Variants in SNTB2 observed in about 807,000 individuals in gnomAD.
The protein encoded by SNTB2 is syntrophin beta 2.
SNTB2 carries 34 observed loss-of-function variants against 46.2 expected under a neutral mutation model. That is an observed-to-expected ratio of 0.74 (90% CI 0.56 to 0.98). SNTB2 has a LOEUF of 0.98. SNTB2 is among the 50% of genes least tolerant of loss of function. SNTB2 has a pLI of 0.00. For synonymous variants in SNTB2, 290 were observed against 312.6 expected (o/e 0.93, Z 0.76); for missense variants, 603 against 731.4 (o/e 0.82, Z 2.02).
chr16:69,233,948 G>A (rs771921000), intron 1 of SNTB2, among the ~76,000 whole-genome samples: 3 of 151,962 alleles, frequency 2.0e-5, no homozygotes, highest in Admixed American at 6.6e-5. Context: ...CTGCAGTCCC[G>A]CCTGGACAAC....
chr16:69,239,996 A>G (rs923174642), intron 1 of SNTB2, among the ~76,000 whole-genome samples: 1 of 152,188 alleles, frequency 6.6e-6, no homozygotes, highest in African/African-American at 2.4e-5. Context: ...GTTCTATTCT[A>G]TAGCTGTATC....
chr16:69,219,358 G>T (rs956864833), intron 1 of SNTB2, among the ~76,000 whole-genome samples: 1 of 152,208 alleles, frequency 6.6e-6, no homozygotes, highest in Admixed American at 6.5e-5. Flanking sequence ...CACTGGAGAT[G>T]TCAACTCAAA....
At chr16:69,249,696 T>A (rs1241824067) in intron 2 of SNTB2, among the ~76,000 whole-genome samples, 1 of 152,182 alleles carries the variant, frequency 6.6e-6, no homozygotes, top group African/African-American at 2.4e-5. Context: ...AAATGATCAG[T>A]CTACTCGACC....
At chr16:69,209,990 C>T (rs1022128323) in intron 1 of SNTB2, among the ~76,000 whole-genome samples, 30 of 148,328 alleles carry the variant, frequency 2.0e-4, no homozygotes, top group African/African-American at 7.4e-4. Context: ...GTAAGTTTGA[C>T]ATTCTGACAT....
intron 2 of SNTB2, among the ~76,000 whole-genome samples, chr16:69,254,759 C>T (rs756714942): frequency 6.6e-6 from 1 of 152,176 alleles, no homozygotes; most frequent in Non-Finnish European, 1.5e-5. Context: ...AGGAGGGTCA[C>T]TTGAGCCCAG....
intron 1 of SNTB2, among the ~76,000 whole-genome samples, chr16:69,243,432 A>C (rs1036013750): frequency 6.6e-6 from 1 of 152,206 alleles, no homozygotes; most frequent in African/African-American, 2.4e-5. Context: ...GGCAATACAT[A>C]AATTGTATGT....
At chr16:69,253,738 C>A (rs540320246) in intron 2 of SNTB2, among the ~76,000 whole-genome samples, 1 of 152,084 alleles carries the variant, frequency 6.6e-6, no homozygotes, top group Admixed American at 6.6e-5. Flanking sequence ...CCAGTGGTCC[C>A]GGTATCTACT....
intron 4 of SNTB2, among the ~76,000 whole-genome samples, chr16:69,275,673 G>A (rs1224460210): frequency 6.6e-6 from 1 of 152,144 alleles, no homozygotes; most frequent in African/African-American, 2.4e-5. Context: ...GGGAAAGGGA[G>A]TGTTTGAGAT....
chr16:69,192,642 A>G (rs1480701749), intron 1 of SNTB2, among the ~76,000 whole-genome samples: 2 of 152,172 alleles, frequency 1.3e-5, no homozygotes, highest in African/African-American at 4.8e-5. Context: ...TGGTATGGTC[A>G]GTTATGTTTA....
intron 5 of SNTB2, among the ~76,000 whole-genome samples, chr16:69,290,068 G>A (rs1396324872): frequency 1.5e-4 from 23 of 152,222 alleles, no homozygotes; most frequent in Admixed American, 1.5e-3. Flanking sequence ...CCTACAAAAT[G>A]TGACGAGTAA....
At chr16:69,283,291 T>A (rs1314639705) in intron 4 of SNTB2, among the ~76,000 whole-genome samples, 1 of 152,204 alleles carries the variant, frequency 6.6e-6, no homozygotes, top group African/African-American at 2.4e-5. Context: ...GGGGGATTTT[T>A]AAAATGTAGA....
chr16:69,191,781 C>CA (rs1346297949), intron 1 of SNTB2, among the ~76,000 whole-genome samples: 12 of 151,912 alleles, frequency 7.9e-5, no homozygotes, highest in Admixed American at 7.2e-4. Context: ...GCTGGGACTA[C>CA]AGGCGCCCGC....
At chr16:69,279,930 A>G (rs562705854) in intron 4 of SNTB2, among the ~76,000 whole-genome samples, 1 of 152,044 alleles carries the variant, frequency 6.6e-6, no homozygotes, top group East Asian at 1.9e-4. Flanking sequence ...GCAGGGTCAT[A>G]GGACAATAGT....
chr16:69,235,893 G>A, intron 1 of SNTB2: 2 of 1,272,424 alleles, frequency 1.6e-6, no homozygotes, highest in African/African-American at 1.5e-5. Context: ...TGTGGATGCA[G>A]TCCCATTAGA....
chr16:69,199,921 C>CA (rs1555497590), intron 1 of SNTB2, among the ~76,000 whole-genome samples: 3 of 146,940 alleles, frequency 2.0e-5, no homozygotes, highest in Non-Finnish European at 4.5e-5. Flanking sequence ...AAGACAGAGA[C>CA]TTTTTTTTTT....
At position 69,187,265 on chromosome 16, in the gene SNTB2, G is replaced by A; in HGVS notation, c.99G>A (p.Arg33=). Residue 33 remains arginine (R), a synonymous_variant, in exon 1 of 7, where the codon AGG becomes AGA. Transcript: ENST00000336278. ...TKAGLVELLL[R]ERWVRVVAEL... ...CGGGGCTGGTGGAGCTGCTCCTGAGGGAGCGCTGGGTCCGAGTGGTGGCCG... is the reference window on the plus strand; with the variant it reads ...CGGGGCTGGTGGAGCTGCTCCTGAGAGAGCGCTGGGTCCGAGTGGTGGCCG... 1.3e-6 allele frequency: 2 copies of A among 1,488,588 alleles called. No individual in the cohort carries two copies. Among genetic ancestry groups the A allele is most frequent in the Non-Finnish European group, 8.9e-7 (1 of 1,124,558 alleles). The allele number at this position is 1,488,588 out of a possible 1,614,324, so 92.2% of individuals were successfully genotyped here.
chr16:69,218,715 C>G (rs959955641), intron 1 of SNTB2, among the ~76,000 whole-genome samples: 1 of 152,212 alleles, frequency 6.6e-6, no homozygotes, highest in African/African-American at 2.4e-5. Context: ...GTCACTGTGC[C>G]TGGCCTGTTA....
chr16:69,281,905 C>CTTTTTTTTT (rs776664092), intron 4 of SNTB2, among the ~76,000 whole-genome samples: 6 of 125,308 alleles, frequency 4.8e-5, no homozygotes, highest in African/African-American at 1.5e-4. Context: ...TTGTTTCTCT[C>CTTTTTTTTT]TTTTTTTTTT....
intron 2 of SNTB2, among the ~76,000 whole-genome samples, chr16:69,246,689 C>A (rs1964672718): frequency 7.1e-6 from 1 of 140,692 alleles, no homozygotes; most frequent in Admixed American, 7.3e-5. Context: ...TCCATCTGGT[C>A]CTGGACTCTT....
Sources: gnomAD v4.1 joint callset for allele counts (sites outside exome capture counted in the v4.1 genomes callset) on GRCh38, gnomAD v4.1.1 for gene constraint, MANE v1.5 for transcripts, NCBI Gene and HGNC (gene_info 2026-07-23, HGNC 2026-07-21) for gene names.